The following EHBP1 variants were observed in gnomAD, a reference collection of about 807,000 sequenced individuals.
EHBP1 encodes EH domain-binding protein 1.
In EHBP1, 55 loss-of-function variants were observed where a neutral mutation model predicts 144.0. That is an observed-to-expected ratio of 0.38 (90% CI 0.31 to 0.48). The LOEUF (loss-of-function observed/expected upper bound fraction) is 0.48, where lower values mean the gene tolerates loss of function less well. Ranked by LOEUF, EHBP1 falls within the 20% of genes least tolerant of loss-of-function variation. The probability of loss-of-function intolerance (pLI) is 0.98; values close to 1 mark genes in which losing one functional copy is unlikely to be tolerated. For missense variants in EHBP1, 1,200 were observed against 1,364.2 expected (o/e 0.88, Z 1.90); for synonymous variants, 469 against 472.7 (o/e 0.99, Z 0.10).
At chr2:62,747,537 T>A in intron 3 of EHBP1, 85 bp downstream of exon 3, 2 of 1,050,086 alleles carry the variant, frequency 1.9e-6, no homozygotes, top group Non-Finnish European at 2.8e-6. Context: ...TATTTTAAAA[T>A]ATTACTTGAT....
At chr2:62,921,597 C>CA (rs943396867) in intron 10 of EHBP1, among the ~76,000 whole-genome samples, 20 of 151,174 alleles carry the variant, frequency 1.3e-4, no homozygotes, top group Non-Finnish European at 2.4e-4. Context: ...AAATGAAGGA[C>CA]AAAAAAGACT....
intron 19 of EHBP1, among the ~76,000 whole-genome samples, chr2:63,020,323 CA>C (rs1001418542): frequency 0.046 from 2,102 of 45,276 alleles, 10 homozygotes; most frequent in African/African-American, 0.095. Context: ...GACTCTGTCT[CA>C]AAAAAAAAAA....
At chr2:62,969,471 A>G (rs1023291829) in intron 14 of EHBP1, among the ~76,000 whole-genome samples, 3 of 152,152 alleles carry the variant, frequency 2.0e-5, no homozygotes, top group Non-Finnish European at 4.4e-5. Flanking sequence ...TGATATATTC[A>G]TTTTCATGAA....
chr2:62,806,226 C>T (rs1277696441), intron 5 of EHBP1, among the ~76,000 whole-genome samples: 1 of 152,098 alleles, frequency 6.6e-6, no homozygotes, highest in Admixed American at 6.5e-5. Flanking sequence ...TCAAGTGATC[C>T]TCTTGTCTTG....
chr2:62,822,681 A>G (rs577238696), intron 5 of EHBP1, among the ~76,000 whole-genome samples: 26 of 152,304 alleles, frequency 1.7e-4, no homozygotes, highest in Middle Eastern at 3.4e-3. Flanking sequence ...CTCCAGCAGT[A>G]TAAGAGAGTT....
intron 19 of EHBP1, among the ~76,000 whole-genome samples, chr2:63,020,032 T>C (rs1049426075): frequency 3.3e-5 from 5 of 150,300 alleles, no homozygotes; most frequent in African/African-American, 1.2e-4. Context: ...CTACTAAAAG[T>C]ACGAAAATTA....
chr2:62,681,134 G>A (rs2054835), intron 1 of EHBP1, among the ~76,000 whole-genome samples: 126,270 of 149,996 alleles, frequency 0.84, 53,426 homozygotes, highest in African/African-American at 0.92. Context: ...CCAACATGGT[G>A]AAACCCCGTC....
At chr2:63,040,090 T>TAAA (rs893799077) in intron 21 of EHBP1, among the ~76,000 whole-genome samples, 1 of 151,524 alleles carries the variant, frequency 6.6e-6, no homozygotes, top group Non-Finnish European at 1.5e-5. Context: ...GTATAGTCTT[T>TAAA]AAAAGAGCAA....
intron 3 of EHBP1, among the ~76,000 whole-genome samples, chr2:62,747,873 T>A (rs2039306781): frequency 3.9e-5 from 6 of 152,060 alleles, no homozygotes; most frequent in Admixed American, 3.9e-4. Context: ...ATAAAAGGAC[T>A]TGATAGAGGG....
At chr2:62,843,665 T>C (rs1462020852) in intron 7 of EHBP1, among the ~76,000 whole-genome samples, 2 of 152,230 alleles carry the variant, frequency 1.3e-5, no homozygotes, top group Non-Finnish European at 2.9e-5. Flanking sequence ...GTAAATCCCA[T>C]TCTAAAGTTA....
intron 5 of EHBP1, among the ~76,000 whole-genome samples, chr2:62,792,574 A>G (rs1401902714): frequency 6.6e-6 from 1 of 152,044 alleles, no homozygotes; most frequent in Non-Finnish European, 1.5e-5. Flanking sequence ...TACTATATTT[A>G]TGGATTTTTA....
intron 7 of EHBP1, among the ~76,000 whole-genome samples, chr2:62,834,262 A>G (rs2047045854): frequency 6.6e-6 from 1 of 152,250 alleles, no homozygotes; most frequent in Non-Finnish European, 1.5e-5. Context: ...ATTTCAATTT[A>G]GAAAGAAGCT....
chr2:62,736,410 G>A (rs1355523235), intron 2 of EHBP1, among the ~76,000 whole-genome samples: 3 of 151,890 alleles, frequency 2.0e-5, no homozygotes, highest in African/African-American at 7.3e-5. Context: ...TTTTAGTAGA[G>A]ATGGGGTTTT....
intron 14 of EHBP1, among the ~76,000 whole-genome samples, chr2:62,973,612 A>G (rs541536645): frequency 1.3e-5 from 2 of 152,236 alleles, no homozygotes; most frequent in South Asian, 2.1e-4. Context: ...CACATAGCAC[A>G]TAAATGCTCA....
At chr2:63,019,666 C>T (rs2060621791) in intron 19 of EHBP1, among the ~76,000 whole-genome samples, 1 of 149,630 alleles carries the variant, frequency 6.7e-6, no homozygotes, top group African/African-American at 2.5e-5. Flanking sequence ...AAGAGCATGC[C>T]ATTGCACTCC....
At chr2:62,765,351 T>A (rs912890700) in intron 4 of EHBP1, among the ~76,000 whole-genome samples, 3 of 152,170 alleles carry the variant, frequency 2.0e-5, no homozygotes, top group African/African-American at 7.2e-5. Flanking sequence ...TTAAAACGTA[T>A]TTCATTGCTT....
intron 5 of EHBP1, among the ~76,000 whole-genome samples, chr2:62,805,844 A>G (rs959413138): frequency 6.6e-6 from 1 of 152,108 alleles, no homozygotes; most frequent in African/African-American, 2.4e-5. Flanking sequence ...TTTCTTGTAG[A>G]CAATATAAAG....
intron 5 of EHBP1, among the ~76,000 whole-genome samples, chr2:62,785,841 G>A (rs2042763655): frequency 6.6e-6 from 1 of 151,804 alleles, no homozygotes; most frequent in Non-Finnish European, 1.5e-5. Context: ...TCTTTTCCAG[G>A]ACATATATAA....
chr2:62,774,202 C>G (rs1307419184), intron 5 of EHBP1, among the ~76,000 whole-genome samples: 1 of 151,948 alleles, frequency 6.6e-6, no homozygotes, highest in East Asian at 1.9e-4. Flanking sequence ...GAAACAGCGT[C>G]TCTACTAAAA....
Sources: gnomAD v4.1 joint callset for allele counts (sites outside exome capture counted in the v4.1 genomes callset) on GRCh38, gnomAD v4.1.1 for gene constraint, MANE v1.5 for transcripts, NCBI Gene and HGNC (gene_info 2026-07-23, HGNC 2026-07-21) for gene names.